Variants in NUMA1 observed in about 807,000 individuals in gnomAD.
The protein encoded by NUMA1 is SP-H antigen.
In NUMA1, 62 loss-of-function variants were observed where a neutral mutation model predicts 237.1. The observed-to-expected ratio is 0.26, with a 90% CI of 0.21 to 0.32. The LOEUF (loss-of-function observed/expected upper bound fraction) is 0.32. NUMA1 is among the 10% of genes least tolerant of loss of function. The pLI, the probability that NUMA1 is intolerant of heterozygous loss-of-function variation, is 1.00. For missense variants in NUMA1, 2,533 were observed against 2,666.5 expected (o/e 0.95, Z 1.10); for synonymous variants, 1,028 against 1,066.1 (o/e 0.96, Z 0.70).
At position 72,005,261 on chromosome 11, in the gene NUMA1, A is replaced by C; in HGVS notation, c.5801T>G (p.Leu1934Arg). Residue 1934 changes from leucine to arginine, a missense_variant, in exon 23 of 27, where the codon CTG (leucine) becomes CGG (arginine). By Grantham distance (102) the Leu-to-Arg change is moderately radical. Transcript: ENST00000393695. ...QQRNRVCPPH[L>R]KTCYPLESRP... ...GGACTCCAGGGGATAGCAGGTCTTC[A>C]GATGTGGGGGGCACACTCGATTGCG... 6.2e-7 allele frequency: 1 copy of C among 1,604,682 alleles called. No homozygotes were observed. The highest frequency in any genetic ancestry group is 8.5e-7 in the Non-Finnish European group (1 of 1,176,022).
At position 72,004,707 on chromosome 11, in the gene NUMA1, C is replaced by T. The variant is rs906489805; in HGVS notation, c.5939G>A (p.Gly1980Asp). ...MQPIQIAEGTGITTRQQRKRV... is the reference protein window; with the variant it reads ...MQPIQIAEGTDITTRQQRKRV... ...TTTGCGCTGCTGCCGGGTGGTGATG[C>T]CAGTGCCCTCGGCTATCTGGATTGG... The change falls in exon 24 of 27, where the codon GGC becomes GAC. Residue 1980 changes from glycine (G) to aspartate (D), a missense_variant. Physicochemically the swap from Gly to Asp is moderately conservative, Grantham distance 94. Coordinates refer to ENST00000393695, the MANE Select transcript of NUMA1 (RefSeq NM_006185.4). 1 of 1,613,788 alleles carries T rather than the reference C, an allele frequency of 6.2e-7. No homozygotes were observed. The highest frequency in any genetic ancestry group is 8.5e-7 in the Non-Finnish European group (1 of 1,179,938).
chr11:72,003,861 C>CT, intron 26 of NUMA1, 26 bp downstream of exon 26: 2 of 1,611,090 alleles, frequency 1.2e-6, no homozygotes, highest in Non-Finnish European at 1.7e-6. Flanking sequence ...TCGGGTTTCC[C>CT]TCCCCCATCC....
intron 2 of NUMA1, chr11:72,041,655 T>A (rs1178745164): frequency 6.6e-6 from 1 of 152,230 alleles, no homozygotes; most frequent in Non-Finnish European, 1.5e-5. Flanking sequence ...GCAGGCCCTC[T>A]GATCGGGGGC....
At position 72,004,654 on chromosome 11, in the gene NUMA1, G is replaced by T; in HGVS notation, c.5992C>A (p.Pro1998Thr). The T allele has an allele frequency of 6.2e-7, 1 of 1,612,706 alleles. No individual in the cohort carries two copies. The highest frequency in any genetic ancestry group is 1.3e-5 in the African/African-American group (1 of 75,004). ...KRVSLEPHQG[P>T]GTPESKKATS... ...ACCGCGCCTACCTCAGGAGTTCCAG[G>T]GCCCTGGTGGGGCTCTAGGGAGACC... The change falls in exon 24 of 27, where the codon CCT becomes ACT. Residue 1998 changes from proline (P) to threonine (T), a missense_variant. This residue lies in a region of NUMA1 where 795 missense variants were observed against 750.8 expected (regional missense o/e 1.06). Coordinates refer to ENST00000393695, the MANE Select transcript of NUMA1 (RefSeq NM_006185.4).
rs879014552 is a variant in NUMA1 at position 72,017,772 on chromosome 11, G to A, written c.1034C>T (p.Thr345Met). 2.0e-5 allele frequency: 33 copies of A among 1,612,762 alleles called. No homozygotes were observed. The highest frequency in any genetic ancestry group is 1.6e-4 in the Middle Eastern group (1 of 6,082). Residue 345 changes from threonine to methionine, a missense_variant, in exon 13 of 27, where the codon ACG becomes ATG. Transcript: ENST00000393695. ...CTGAGTGGCCTTGCTGTGCTCCTCCGTCAGCTCATTGAGGGCATCCTGTAG... is the reference window on the plus strand; with the variant it reads ...CTGAGTGGCCTTGCTGTGCTCCTCCATCAGCTCATTGAGGGCATCCTGTAG... Reference protein sequence around the residue: ...QQLQDALNELTEEHSKATQEW... With the variant: ...QQLQDALNELMEEHSKATQEW...
At chr11:72,062,243 G>T (rs585228) in intron 2 of NUMA1, among the ~76,000 whole-genome samples, 3 of 152,002 alleles carry the variant, frequency 2.0e-5, no homozygotes, top group Admixed American at 1.3e-4. Context: ...TACTTCAAAA[G>T]GTCATTTTAA....
chr11:72,002,922 C>A lies in NUMA1; in HGVS notation c.*605G>T. On this transcript the variant is annotated 3_prime_UTR_variant, in exon 27 of 27. Coordinates refer to ENST00000393695, the MANE Select transcript of NUMA1 (RefSeq NM_006185.4). ...ATAACATTTAGAAAAGATCCATCCC[C>A]GGCCCTTAAAAACCTTCCCATCACT... 4.3e-6 allele frequency: 1 copy of A among 232,042 alleles called. No homozygotes were observed. Among genetic ancestry groups the A allele is most frequent in the East Asian group, 6.1e-5 (1 of 16,376 alleles). The allele number at this position is 232,042 out of a possible 1,614,324, so 14.4% of individuals were successfully genotyped here. A position where few individuals can be genotyped will look rare whatever the true frequency, so the allele number is the denominator to read the frequency against.
At chr11:72,005,840 G>A in intron 22 of NUMA1, 195 bp downstream of exon 22, 1 of 593,178 alleles carries the variant, frequency 1.7e-6, no homozygotes, top group Non-Finnish European at 3.0e-6. Context: ...CTGGCTAAGA[G>A]TGCCCCCAAC....
intron 4 of NUMA1, among the ~76,000 whole-genome samples, chr11:72,028,261 C>T (rs922498231): frequency 2.6e-5 from 4 of 151,984 alleles, no homozygotes; most frequent in African/African-American, 7.3e-5. Context: ...CAGTTCTAGC[C>T]TTTGATAAGC....
chr11:72,057,219 CTTCATTTAAGT>C (rs1414518028), intron 2 of NUMA1, among the ~76,000 whole-genome samples: 7 of 152,148 alleles, frequency 4.6e-5, no homozygotes, highest in Non-Finnish European at 1.0e-4. Context: ...ACACTAAAGC[CTTCATTTAAGT>C]TATTAAATAA....
chr11:72,022,291 G>A (rs763809184), intron 7 of NUMA1, 48 bp downstream of exon 7: 3 of 1,287,046 alleles, frequency 2.3e-6, no homozygotes, highest in Non-Finnish European at 3.3e-6. Flanking sequence ...CAGGTGAGGT[G>A]AAGCATGGGC....
At chr11:72,004,369 C>T in intron 24 of NUMA1, 28 bp from the exon 25 acceptor site, 1 of 1,592,778 alleles carries the variant, frequency 6.3e-7, no homozygotes. Flanking sequence ...GTTAGGCAGA[C>T]AGTAGCAAGA....
At position 72,013,932 on chromosome 11, in the gene NUMA1, C is replaced by G; in HGVS notation, c.3571G>C (p.Glu1191Gln). ...ACCTTGGTGCGGAAGGCAGCCAACT[C>G]CCGTTGGGCCGAGGCTAAGGCACTC... is the stretch of plus-strand genomic sequence containing the variant. The part of the protein sequence containing the change: ...SQSALASAQR[E>Q]LAAFRTKVQD... Residue 1191 changes from glutamate (E) to glutamine (Q), a missense_variant, in exon 15 of 27, where the codon GAG becomes CAG. Coordinates refer to ENST00000393695, the MANE Select transcript of NUMA1 (RefSeq NM_006185.4). The surrounding 1 kb of genome is among the most constrained non-coding windows in gnomAD (Gnocchi z 6.8). 5.0e-6 allele frequency: 8 copies of G among 1,613,998 alleles called. No individual in the cohort carries two copies. The highest frequency in any genetic ancestry group is 5.1e-6 in the Non-Finnish European group (6 of 1,180,034).
intron 7 of NUMA1, 152 bp from the exon 8 acceptor site, chr11:72,021,443 A>G (rs1590940706): frequency 3.0e-6 from 2 of 671,736 alleles, no homozygotes; most frequent in East Asian, 2.7e-5. Context: ...CTGAGGTCCT[A>G]TGACCCAGCC....
At chr11:72,044,958 C>T (rs1591029612) in intron 2 of NUMA1, among the ~76,000 whole-genome samples, 1 of 152,250 alleles carries the variant, frequency 6.6e-6, no homozygotes, top group East Asian at 1.9e-4. Flanking sequence ...GCCACTGTGC[C>T]TGGCCTTGCA....
Position 72,013,588 on chromosome 11 carries a change from C to T in NUMA1, c.3915G>A (p.Arg1305=), listed in dbSNP as rs1013697658. 1.2e-6 allele frequency: 2 copies of T among 1,612,706 alleles called. No homozygotes were observed. The highest frequency in any genetic ancestry group is 1.3e-5 in the African/African-American group (1 of 74,928). ...QSLREEAEKQ[R]VASENLRQEL... ...CCTGCCGCAGGTTCTCTGAAGCCACCCGCTGTTTCTCAGCCTCCTCCCGGA... is the reference window on the plus strand; with the variant it reads ...CCTGCCGCAGGTTCTCTGAAGCCACTCGCTGTTTCTCAGCCTCCTCCCGGA... Residue 1305 remains arginine, a synonymous_variant, in exon 15 of 27, where the codon CGG becomes CGA. Transcript: ENST00000393695. This position sits in a 1 kb window ranked among gnomAD's most constrained non-coding sequence, Gnocchi z 6.8.
At chr11:72,010,925 A>G in intron 16 of NUMA1, 71 bp from the exon 17 acceptor site, 3 of 1,353,648 alleles carry the variant, frequency 2.2e-6, no homozygotes, top group South Asian at 2.3e-5. Flanking sequence ...ATGTCCACCC[A>G]TCATGGGGTT....
At chr11:72,073,048 CAAAAAAAA>C (rs71052849) in intron 1 of NUMA1, among the ~76,000 whole-genome samples, 1 of 38,976 alleles carries the variant, frequency 2.6e-5, no homozygotes, top group Non-Finnish European at 4.2e-5. Context: ...GACTCCGTCT[CAAAAAAAA>C]AAAAAAAAAA....
In NUMA1 at chr11:72,014,488, C is replaced by T; in HGVS notation, c.3015G>A (p.Glu1005=). 1.2e-6 allele frequency: 2 copies of T among 1,602,218 alleles called. No individual in the cohort carries two copies. The highest frequency in any genetic ancestry group is 1.6e-4 in the Middle Eastern group (1 of 6,062). ...QQEERGQQER[E]VARLTQERGR... is the part of the protein sequence containing the mutation. The stretch of plus-strand genomic sequence containing the variant: ...CCCGCTCCTGGGTCAGCCGCGCCAC[C>T]TCCCTTTCCTGCTGCCCACGCTCCT... The change falls in exon 15 of 27, where the codon GAG becomes GAA. Residue 1005 remains glutamate (E), a synonymous_variant. Coordinates refer to ENST00000393695, the MANE Select transcript of NUMA1 (RefSeq NM_006185.4). The surrounding 1 kb of genome is among the most constrained non-coding windows in gnomAD (Gnocchi z 4.6).
Sources: gnomAD v4.1 joint callset for allele counts (sites outside exome capture counted in the v4.1 genomes callset) on GRCh38, gnomAD v4.1.1 for gene constraint, gnomAD v4.1.1 regional missense constraint, Gnocchi (gnomAD v3.1) non-coding constraint, MANE v1.5 for transcripts, NCBI Gene and HGNC (gene_info 2026-07-23, HGNC 2026-07-21) for gene names.